SOD1: variants seen among roughly 807,000 people sequenced by gnomAD.
The protein encoded by SOD1 is superoxide dismutase [Cu-Zn].
A neutral mutation model predicts 15.9 loss-of-function variants in SOD1; 8 were observed. The observed-to-expected ratio is 0.50, with a 90% CI of 0.30 to 0.91. The LOEUF (loss-of-function observed/expected upper bound fraction) is 0.91, where lower values mean the gene tolerates loss of function less well. Ranked by LOEUF, SOD1 falls within the 40% of genes least tolerant of loss-of-function variation. The probability of loss-of-function intolerance (pLI) is 0.07; values close to 1 mark genes in which losing one functional copy is unlikely to be tolerated. For missense variants in SOD1, 137 were observed against 194.5 expected, an observed-to-expected ratio of 0.70 and a Z score of 1.76; for synonymous variants, 86 against 71.2, an observed-to-expected ratio of 1.21 and a Z score of -1.04.
At chr21:31,667,479 G>C (rs952435527) in intron 4 of SOD1, 104 bp downstream of exon 4, 14 of 876,756 alleles carry the variant, frequency 1.6e-5, no homozygotes, top group Non-Finnish European at 2.7e-5. Context: ...CAGATAAACT[G>C]TACTTGCAGT....
In SOD1 at chr21:31,659,720, G is replaced by C. The variant is rs771875500; in HGVS notation, c.-50G>C. 1.3e-6 allele frequency: 2 copies of C among 1,588,154 alleles called. No homozygotes were observed. The highest frequency in any genetic ancestry group is 8.6e-7 in the Non-Finnish European group (1 of 1,156,874). On this transcript the variant is annotated 5_prime_UTR_variant, in exon 1 of 5. Transcript: ENST00000270142. ...GTCGTAGTCTCCTGCAGCGTCTGGG[G>C]TTTCCGTTGCAGTCCTCGGAACCAG... is the stretch of plus-strand genomic sequence containing the variant.
At chr21:31,664,775 C>T (rs1037912493) in intron 2 of SOD1, among the ~76,000 whole-genome samples, 3 of 152,068 alleles carry the variant, frequency 2.0e-5, no homozygotes, top group African/African-American at 7.2e-5. Context: ...CCCGCCACCC[C>T]GCCTGGCTAA....
Position 31,668,577 on chromosome 21 carries a change from A to C in SOD1, c.464A>C (p.Ter155SerextTer6), listed in dbSNP as rs768697100. The C allele has an allele frequency of 6.8e-6, 11 of 1,607,840 alleles. No individual in the cohort carries two copies. Among genetic ancestry groups the C allele is most frequent in the Admixed American group, 1.7e-5 (1 of 59,998 alleles). ...TGTGGTGTAATTGGGATCGCCCAAT[A>C]AACATTCCCTTGGATGTAGTCTGAG... ...LACGVIGIAQ[*>S] The change falls in exon 5 of 5, where the codon TAA becomes TCA. Residue 155 changes from the stop codon to serine (S), a stop_lost. Coordinates refer to ENST00000270142, the MANE Select transcript of SOD1 (RefSeq NM_000454.5).
chr21:31,668,141 T>A (rs556190188), intron 4 of SOD1, among the ~76,000 whole-genome samples: 14 of 152,178 alleles, frequency 9.2e-5, no homozygotes, highest in African/African-American at 1.7e-4. Flanking sequence ...ACTGCCAAAG[T>A]AAGAGTGACT....
intron 3 of SOD1, chr21:31,666,799 A>G: frequency 6.1e-6 from 3 of 495,218 alleles, no homozygotes; most frequent in South Asian, 2.1e-5. Context: ...AGGAAATGTC[A>G]TGAACAGTAC....
At chr21:31,666,619 C>A in intron 3 of SOD1, 101 bp downstream of exon 3, 1 of 948,064 alleles carries the variant, frequency 1.1e-6, no homozygotes, top group Non-Finnish European at 1.7e-6. Flanking sequence ...GTGTTTCCCC[C>A]ACCTTTGCTT....
intron 2 of SOD1, among the ~76,000 whole-genome samples, chr21:31,665,602 G>A (rs1223453194): frequency 1.3e-5 from 2 of 152,180 alleles, no homozygotes; most frequent in East Asian, 1.9e-4. Flanking sequence ...CTGTGCTGTC[G>A]AGGTTGTGCT....
chr21:31,659,923 C>T (rs2049533113), intron 1 of SOD1, 82 bp downstream of exon 1: 1 of 1,437,824 alleles, frequency 7.0e-7, no homozygotes, highest in African/African-American at 1.4e-5. Flanking sequence ...GAGCGGGTCG[C>T]CCGCCAGGCC....
chr21:31,667,043 A>G (rs562543108), intron 3 of SOD1: 1 of 598,936 alleles, frequency 1.7e-6, no homozygotes, highest in African/African-American at 1.8e-5. Flanking sequence ...CTGAGAGTTT[A>G]CCCTTTGGTA....
chr21:31,667,371 TGGTGGTAAGTTTTCATAAA>T lies in SOD1; in HGVS notation c.354_357+15del. On this transcript the variant is annotated splice_donor_variant and splice_donor_5th_base_variant and coding_sequence_variant and intron_variant, in exon 4 of 5. Transcript: ENST00000270142. LOFTEE classifies it high-confidence loss of function. ...GACCATTGCATCATTGGCCGCACAC[TGGTGGTAAGTTTTCATAAA>T]AGGATATGCATAAAACTTCTTCTAA... The T allele has an allele frequency of 6.2e-7, 1 of 1,605,240 alleles. No individual in the cohort carries two copies. The highest frequency in any genetic ancestry group is 8.5e-7 in the Non-Finnish European group (1 of 1,171,816).
intron 1 of SOD1, among the ~76,000 whole-genome samples, chr21:31,663,333 CTT>C (rs1195292851): frequency 1.3e-5 from 2 of 152,086 alleles, no homozygotes; most frequent in Non-Finnish European, 2.9e-5. Context: ...GAGCGAGACT[CTT>C]GTCTCAAAAT....
rs770457607 is a variant in SOD1, at chr21:31,666,480, T to C, written c.201T>C (p.Pro67=). 6.2e-7 allele frequency: 1 copy of C among 1,613,114 alleles called. No individual in the cohort carries two copies. Among genetic ancestry groups the C allele is most frequent in the South Asian group, 1.1e-5 (1 of 90,982 alleles). ...GCTSAGPHFN[P]LSRKHGGPKD... ...CCAGTGCAGGTCCTCACTTTAATCC[T>C]CTATCCAGAAAACACGGTGGGCCAA... Residue 67 remains proline (P), a synonymous_variant, in exon 3 of 5, where the codon CCT becomes CCC. Coordinates refer to ENST00000270142, the MANE Select transcript of SOD1 (RefSeq NM_000454.5).
Position 31,659,847 on chromosome 21 carries a change from G to A in SOD1, c.72+6G>A, listed in dbSNP as rs1405102428. ...TCATCAATTTCGAGCAGAAGGCAAG[G>A]GCTGGGACGGAGGCTTGTTTGCGAG... On this transcript the variant is annotated splice_donor_region_variant and intron_variant, in intron 1 of 4. Transcript: ENST00000270142. The A allele has an allele frequency of 2.5e-6, 4 of 1,612,772 alleles. No homozygotes were observed. The highest frequency in any genetic ancestry group is 2.5e-6 in the Non-Finnish European group (3 of 1,179,608).
chr21:31,666,764 AC>A, intron 3 of SOD1: 1 of 542,202 alleles, frequency 1.8e-6, no homozygotes, highest in Non-Finnish European at 3.3e-6. Context: ...TAGAACTAAT[AC>A]AAGTGCCAAA....
chr21:31,663,374 C>T (rs1204816870), intron 1 of SOD1, among the ~76,000 whole-genome samples: 2 of 152,142 alleles, frequency 1.3e-5, no homozygotes, highest in Non-Finnish European at 2.9e-5. Flanking sequence ...CATGTATATT[C>T]AACATGTACA....
chr21:31,661,925 CTT>C (rs1288967790), intron 1 of SOD1, among the ~76,000 whole-genome samples: 3 of 152,232 alleles, frequency 2.0e-5, no homozygotes, highest in Admixed American at 6.5e-5. Flanking sequence ...ATCTTGGACT[CTT>C]TGCTAGTTTT....
At chr21:31,666,838 T>C (rs1411742023) in intron 3 of SOD1, 5 of 419,342 alleles carry the variant, frequency 1.2e-5, no homozygotes, top group African/African-American at 1.0e-4. Context: ...TCAATCATCA[T>C]TGTGAAACAT....
intron 1 of SOD1, 36 bp downstream of exon 1, chr21:31,659,877 C>T (rs929408677): frequency 6.3e-7 from 1 of 1,593,190 alleles, no homozygotes; most frequent in Admixed American, 1.7e-5. Flanking sequence ...TGCGAGGCCG[C>T]TCCCACCCGC....
intron 4 of SOD1, 108 bp from the exon 5 acceptor site, chr21:31,668,363 A>C: frequency 2.6e-6 from 2 of 774,844 alleles, no homozygotes; most frequent in East Asian, 2.6e-5. Context: ...ACTAGGATTA[A>C]TGTTATTTTT....
Sources: gnomAD v4.1 joint callset for allele counts (sites outside exome capture counted in the v4.1 genomes callset) on GRCh38, gnomAD v4.1.1 for gene constraint, MANE v1.5 for transcripts, NCBI Gene and HGNC (gene_info 2026-07-23, HGNC 2026-07-21) for gene names.